The following HTR4 variants were observed in gnomAD, a reference collection of about 807,000 sequenced individuals.
The protein encoded by HTR4 is 5-hydroxytryptamine (serotonin) receptor 4, G protein-coupled.
In HTR4, 16 loss-of-function variants were observed where a neutral mutation model predicts 36.8. The observed-to-expected ratio is 0.43, with a 90% CI of 0.29 to 0.66. The LOEUF (loss-of-function observed/expected upper bound fraction) is 0.66, where lower values mean the gene tolerates loss of function less well. HTR4 is among the 30% of genes least tolerant of loss of function. The pLI, the probability that HTR4 is intolerant of heterozygous loss-of-function variation, is 0.13. For synonymous variants in HTR4, 189 were observed against 185.1 expected (o/e 1.02, Z -0.17); for missense variants, 438 against 490.9 (o/e 0.89, Z 1.02).
intron 5 of HTR4, among the ~76,000 whole-genome samples, chr5:148,516,069 G>C (rs1359788053): frequency 6.6e-6 from 1 of 150,386 alleles, no homozygotes; most frequent in Non-Finnish European, 1.5e-5. Context: ...ATATATATCA[G>C]AATGGTCTGT....
chr5:148,473,583 G>GT (rs1755625746), downstream of HTR4, among the ~76,000 whole-genome samples: 1 of 152,264 alleles, frequency 6.6e-6, no homozygotes, highest in Admixed American at 6.5e-5. Context: ...CTGGCTTTCT[G>GT]TTTTTTGTGA....
At chr5:148,642,842 A>C (rs927628483) in intron 1 of HTR4, among the ~76,000 whole-genome samples, 5 of 152,110 alleles carry the variant, frequency 3.3e-5, no homozygotes, top group Non-Finnish European at 7.4e-5. Context: ...TTTAACCTTA[A>C]TCAGCTGATA....
chr5:148,451,241 C>A lies in HTR4; in HGVS notation c.1108G>T (p.Glu370Ter). Residue 370 changes from glutamate (E) to a stop codon, truncating the protein, a stop_gained, in exon 6 of 6, where the codon GAA (glutamate) becomes TAA (stop). Coordinates refer to the HTR4 transcript ENST00000521530. LOFTEE classifies it high-confidence loss of function. Reference sequence around the variant, plus strand: ...TTGTGTATGGGCAGTTTCTCGAGTTCCTGATGATGTCCCCTGTGCAGAACG... The same window carrying A: ...TTGTGTATGGGCAGTTTCTCGAGTTACTGATGATGTCCCCTGTGCAGAACG... 2 of 1,613,846 alleles carry A rather than the reference C, an allele frequency of 1.2e-6. No individual in the cohort carries two copies. Among genetic ancestry groups the A allele is most frequent in the South Asian group, 1.1e-5 (1 of 91,074 alleles).
chr5:148,566,421 A>G (rs1437897163), intron 2 of HTR4, among the ~76,000 whole-genome samples: 3 of 152,102 alleles, frequency 2.0e-5, no homozygotes, highest in Non-Finnish European at 4.4e-5. Context: ...AGCTTTGAAG[A>G]CTCCAGTGTC....
At chr5:148,464,019 C>T (rs1755357018) in intron 5 of HTR4, among the ~76,000 whole-genome samples, 1 of 126,876 alleles carries the variant, frequency 7.9e-6, no homozygotes, top group Non-Finnish European at 1.6e-5. Flanking sequence ...GGTAGAACAA[C>T]TGGACATTGA....
intron 2 of HTR4, among the ~76,000 whole-genome samples, chr5:148,558,466 T>C (rs1561618779): frequency 6.6e-6 from 1 of 152,200 alleles, no homozygotes; most frequent in Non-Finnish European, 1.5e-5. Context: ...CTTTGAGATG[T>C]AAATGAAAGA....
intron 4 of HTR4, among the ~76,000 whole-genome samples, chr5:148,544,937 G>A (rs1759316156): frequency 6.6e-6 from 1 of 152,228 alleles, no homozygotes. Context: ...GAAGGACATG[G>A]CATACTGCCG....
At chr5:148,637,135 C>A (rs569042706) in intron 1 of HTR4, 74 bp from the exon 2 acceptor site, 1 of 914,168 alleles carries the variant, frequency 1.1e-6, no homozygotes, top group Admixed American at 2.1e-5. Context: ...TTTTAAAAAA[C>A]TCAAATAACT....
chr5:148,618,095 A>T (rs1254994703), intron 2 of HTR4, among the ~76,000 whole-genome samples: 1 of 152,080 alleles, frequency 6.6e-6, no homozygotes, highest in Non-Finnish European at 1.5e-5. Flanking sequence ...TAGGGGAAAA[A>T]CAGTCCTCTG....
chr5:148,538,436 C>T (rs1259320359), intron 4 of HTR4, among the ~76,000 whole-genome samples: 1 of 151,830 alleles, frequency 6.6e-6, no homozygotes, highest in East Asian at 1.9e-4. Flanking sequence ...TTCAACTATG[C>T]TTTTTTTTGA....
Position 148,550,130 on chromosome 5 carries a change from T to C in HTR4, c.152+7A>G. ...GTTTCCTCAAAAGGTTCCCTCCTGCTGCTCACCTGAGCTGCCTGTCCCAGC... is the reference window on the plus strand; with the variant it reads ...GTTTCCTCAAAAGGTTCCCTCCTGCCGCTCACCTGAGCTGCCTGTCCCAGC... On this transcript the variant is annotated splice_region_variant and intron_variant, in intron 3 of 6. Coordinates refer to ENST00000377888, the MANE Select transcript of HTR4 (RefSeq NM_000870.7). The C allele has an allele frequency of 2.5e-6, 4 of 1,614,020 alleles. No homozygotes were observed. Among genetic ancestry groups the C allele is most frequent in the Non-Finnish European group, 3.4e-6 (4 of 1,179,966 alleles).
Position 148,523,995 on chromosome 5 carries a change from GT to G in HTR4, c.354-650del, listed in dbSNP as rs111792304. Among the ~76,000 whole-genome samples the G allele has an allele frequency of 3.8e-3, 558 of 146,640 alleles. 5 individuals are homozygous for G. Among genetic ancestry groups the G allele is most frequent in the African/African-American group, 0.012 (498 of 40,340 alleles). On this transcript the variant is annotated intron_variant, in intron 4 of 6. Coordinates refer to ENST00000377888, the MANE Select transcript of HTR4 (RefSeq NM_000870.7). Reference sequence around the variant, plus strand: ...CATGGAAGTGGAGCTCTAAGTCCGTGTTTTTTTTTTTGAATTGTGGTTCAAG... The same window carrying G: ...CATGGAAGTGGAGCTCTAAGTCCGTGTTTTTTTTTTGAATTGTGGTTCAAG...
chr5:148,567,808 T>A (rs1288584754), intron 2 of HTR4, among the ~76,000 whole-genome samples: 1 of 152,194 alleles, frequency 6.6e-6, no homozygotes, highest in Non-Finnish European at 1.5e-5. Context: ...ACTTTGTCAT[T>A]CTCAGATTCA....
chr5:148,481,969 G>A lies in HTR4; in HGVS notation c.*1234C>T. ...CTTCTCGAGGTAGCAGACGGCTATA[G>A]CAGCATACTGTTGTCTTAGAAACAG... On this transcript the variant is annotated 3_prime_UTR_variant, in exon 7 of 7. Coordinates refer to ENST00000377888, the MANE Select transcript of HTR4 (RefSeq NM_000870.7). 1 of 1,044,652 alleles carries A rather than the reference G, an allele frequency of 9.6e-7. No individual in the cohort carries two copies. The allele number at this position is 1,044,652 out of a possible 1,614,324, so 64.7% of individuals were successfully genotyped here. A position where few individuals can be genotyped will look rare whatever the true frequency, so the allele number is the denominator to read the frequency against.
intron 2 of HTR4, among the ~76,000 whole-genome samples, chr5:148,575,559 C>T (rs1009565428): frequency 5.9e-5 from 9 of 151,962 alleles, no homozygotes; most frequent in African/African-American, 1.9e-4. Context: ...ACACCTGCTA[C>T]CCACTCCTAG....
chr5:148,526,381 T>C (rs977476090), intron 4 of HTR4, among the ~76,000 whole-genome samples: 1 of 152,200 alleles, frequency 6.6e-6, no homozygotes, highest in African/African-American at 2.4e-5. Context: ...TCCTTTCTTC[T>C]ATTATCCCAA....
At chr5:148,618,563 T>C (rs1320354543) in intron 2 of HTR4, among the ~76,000 whole-genome samples, 1 of 152,224 alleles carries the variant, frequency 6.6e-6, no homozygotes, top group Non-Finnish European at 1.5e-5. Flanking sequence ...TGGGATCTGA[T>C]AATAACTCTC....
chr5:148,465,050 T>C (rs147228796), intron 5 of HTR4, among the ~76,000 whole-genome samples: 1 of 152,112 alleles, frequency 6.6e-6, no homozygotes, highest in African/African-American at 2.4e-5. Flanking sequence ...AAAAGATCAA[T>C]TGTTGCCAGA....
At chr5:148,571,879 C>G (rs1278142600) in intron 2 of HTR4, among the ~76,000 whole-genome samples, 2 of 152,080 alleles carry the variant, frequency 1.3e-5, no homozygotes, top group African/African-American at 4.8e-5. Flanking sequence ...ATTTTTAACA[C>G]ATCTTCCATA....
Sources: gnomAD v4.1 joint callset for allele counts (sites outside exome capture counted in the v4.1 genomes callset) on GRCh38, gnomAD v4.1.1 for gene constraint, MANE v1.5 for transcripts, NCBI Gene and HGNC (gene_info 2026-07-23, HGNC 2026-07-21) for gene names.